RPS6KC1: variants seen among roughly 807,000 people sequenced by gnomAD.
RPS6KC1 encodes the protein ribosomal protein S6 kinase C1.
A neutral mutation model predicts 103.8 loss-of-function variants in RPS6KC1; 54 were observed. That is an observed-to-expected ratio of 0.52 (90% CI 0.42 to 0.65). The LOEUF is 0.65. Ranked by LOEUF, RPS6KC1 falls within the 30% of genes least tolerant of loss-of-function variation. The probability of loss-of-function intolerance (pLI) is 0.00; values close to 1 mark genes in which losing one functional copy is unlikely to be tolerated. For synonymous variants in RPS6KC1, 439 were observed against 438.7 expected, an observed-to-expected ratio of 1.00 and a Z score of -0.01; for missense variants, 1,151 against 1,253.8, an observed-to-expected ratio of 0.92 and a Z score of 1.24.
intron 6 of RPS6KC1, among the ~76,000 whole-genome samples, chr1:213,163,713 T>G (rs1463977055): frequency 6.6e-6 from 1 of 152,176 alleles, no homozygotes; most frequent in African/African-American, 2.4e-5. Context: ...GAAAAGGCCA[T>G]TGTTATCCAA....
the RPS6KC1 span, among the ~76,000 whole-genome samples, chr1:213,483,803 T>G: frequency 0.05 from 7,653 of 152,206 alleles, 620 homozygotes; most frequent in African/African-American, 0.17. Flanking sequence ...TCAAACAAAG[T>G]CCCATAGGGA....
At chr1:213,294,120 C>A in the RPS6KC1 span, among the ~76,000 whole-genome samples, 1 of 152,216 alleles carries the variant, frequency 6.6e-6, no homozygotes, top group East Asian at 1.9e-4. Context: ...TGAGAGAGTG[C>A]TCTGCCTTGG....
At chr1:213,215,504 T>A (rs1036600191) in intron 8 of RPS6KC1, among the ~76,000 whole-genome samples, 2 of 152,060 alleles carry the variant, frequency 1.3e-5, no homozygotes, top group Non-Finnish European at 2.9e-5. Context: ...CAGGCCAACA[T>A]TCAAATTCAG....
the RPS6KC1 span, among the ~76,000 whole-genome samples, chr1:213,860,439 A>G: frequency 6.6e-6 from 1 of 152,086 alleles, no homozygotes; most frequent in Non-Finnish European, 1.5e-5. Flanking sequence ...AGTGAGAAAT[A>G]CCATAATAAG....
At chr1:213,567,916 T>G in the RPS6KC1 span, among the ~76,000 whole-genome samples, 11 of 152,246 alleles carry the variant, frequency 7.2e-5, no homozygotes, top group African/African-American at 2.4e-4. Context: ...AACCTTGTCC[T>G]GTAATAACTT....
intron 1 of RPS6KC1, among the ~76,000 whole-genome samples, chr1:213,058,028 A>G (rs370452351): frequency 1.3e-5 from 2 of 148,932 alleles, no homozygotes; most frequent in African/African-American, 2.5e-5. Flanking sequence ...TTGGCCTTCC[A>G]AAGTGCTGGG....
rs556583354 is a variant in RPS6KC1 at position 213,063,827 on chromosome 1, G to T, written c.106-7179G>T. Among the ~76,000 whole-genome samples, 5 of 152,174 alleles carry T rather than the reference G, an allele frequency of 3.3e-5. No homozygotes were observed. In the South Asian group the frequency reaches 6.2e-4, roughly 19 times the overall value. The stretch of plus-strand genomic sequence containing the variant: ...ATTGATTATTAAGCCCTTCCTGTGA[G>T]ATCACTGATTTTAAAGAATACTGGT... On this transcript the variant is annotated intron_variant, in intron 1 of 14. Coordinates refer to ENST00000366960, the MANE Select transcript of RPS6KC1 (RefSeq NM_012424.6).
At chr1:213,615,502 C>T in the RPS6KC1 span, among the ~76,000 whole-genome samples, 3 of 152,238 alleles carry the variant, frequency 2.0e-5, no homozygotes, top group Non-Finnish European at 2.9e-5. Context: ...GCCCGACATG[C>T]CTTCAGCACT....
chr1:213,454,189 C>T, the RPS6KC1 span, among the ~76,000 whole-genome samples: 1 of 152,030 alleles, frequency 6.6e-6, no homozygotes, highest in Non-Finnish European at 1.5e-5. Flanking sequence ...CAAGGGTCAA[C>T]TCTATCTTAG....
chr1:213,151,179 C>A (rs2088777704), intron 6 of RPS6KC1, among the ~76,000 whole-genome samples: 2 of 142,036 alleles, frequency 1.4e-5, no homozygotes, highest in African/African-American at 5.2e-5. Context: ...GCTGACCCCC[C>A]CACCTCCCTC....
chr1:213,228,101 A>G (rs776974152), intron 8 of RPS6KC1, among the ~76,000 whole-genome samples: 1 of 152,152 alleles, frequency 6.6e-6, no homozygotes, highest in Non-Finnish European at 1.5e-5. Context: ...TAGAGATTCT[A>G]TAATAGATGT....
the RPS6KC1 span, among the ~76,000 whole-genome samples, chr1:213,705,040 C>T: frequency 6.6e-6 from 1 of 152,252 alleles, no homozygotes; most frequent in Non-Finnish European, 1.5e-5. Flanking sequence ...CTGTGGTCAC[C>T]ACCACTGGGA....
intron 3 of RPS6KC1, among the ~76,000 whole-genome samples, chr1:213,090,910 T>C (rs2080899560): frequency 1.3e-5 from 2 of 152,254 alleles, no homozygotes. Context: ...TGTTGGTTTA[T>C]GTTTTTACAA....
the RPS6KC1 span, among the ~76,000 whole-genome samples, chr1:213,712,976 C>T: frequency 1.3e-5 from 2 of 151,972 alleles, no homozygotes; most frequent in Admixed American, 6.5e-5. Flanking sequence ...GCCTGGGAAT[C>T]GGTTTTTGGT....
the RPS6KC1 span, among the ~76,000 whole-genome samples, chr1:213,471,722 T>C: frequency 6.6e-6 from 1 of 151,786 alleles, no homozygotes; most frequent in Non-Finnish European, 1.5e-5. Context: ...AAAAACAGTG[T>C]TCCTCTTTCT....
chr1:213,730,670 T>C, the RPS6KC1 span, among the ~76,000 whole-genome samples: 1 of 152,250 alleles, frequency 6.6e-6, no homozygotes, highest in South Asian at 2.1e-4. Flanking sequence ...TGCTGAATAT[T>C]ACACCTTTGT....
chr1:213,431,546 G>C, the RPS6KC1 span, among the ~76,000 whole-genome samples: 1 of 151,822 alleles, frequency 6.6e-6, no homozygotes, highest in Non-Finnish European at 1.5e-5. Context: ...TTTAGGTCTT[G>C]CTTCTTTTAT....
chr1:213,655,129 C>T, the RPS6KC1 span, among the ~76,000 whole-genome samples: 2 of 152,166 alleles, frequency 1.3e-5, no homozygotes, highest in South Asian at 4.2e-4. Context: ...TGCAGCCTCC[C>T]CCTCCCAGGC....
At chr1:213,184,002 A>G (rs920053275) in intron 8 of RPS6KC1, among the ~76,000 whole-genome samples, 1 of 152,186 alleles carries the variant, frequency 6.6e-6, no homozygotes, top group Non-Finnish European at 1.5e-5. Flanking sequence ...TGTAAATTTG[A>G]TAATTTAGAT....
Sources: allele counts gnomAD v4.1 joint callset (sites outside exome capture counted in the v4.1 genomes callset), GRCh38; gene constraint gnomAD v4.1.1; transcripts MANE v1.5; gene names NCBI Gene and HGNC (gene_info 2026-07-23, HGNC 2026-07-21).